Variants in ADRA1A observed in about 807,000 individuals in gnomAD.
ADRA1A encodes adrenoceptor alpha 1A, also known as alpha-1A adrenergic receptor.
A neutral mutation model predicts 29.6 loss-of-function variants in ADRA1A; 31 were observed. The observed-to-expected ratio is 1.05, with a 90% CI of 0.79 to 1.41. The LOEUF is 1.41. Among genes scored for constraint, ADRA1A ranks in the 40% most tolerant of loss-of-function variants. ADRA1A has a pLI of 0.00. For synonymous variants in ADRA1A, 311 were observed against 254.3 expected (o/e 1.22, Z -2.12); for missense variants, 619 against 601.1 (o/e 1.03, Z -0.31).
In ADRA1A at chr8:26,770,320, A is replaced by C; in HGVS notation, c.1230T>G (p.Ile410Met). Residue 410 changes from isoleucine (I) to methionine (M), a missense_variant, in exon 3 of 3, where the codon ATT becomes ATG. By Grantham distance (10) the Ile-to-Met change is conservative (BLOSUM62 1). Transcript: ENST00000380573. ...FSSMPRGSAR[I>M]TVSKDQSSCT... ...AGGAGGATTGGTCTTTGGACACTGTAATCCTGGCAGATCCACGGGGCATGG... is the reference window on the plus strand; with the variant it reads ...AGGAGGATTGGTCTTTGGACACTGTCATCCTGGCAGATCCACGGGGCATGG... 6.2e-7 allele frequency: 1 copy of C among 1,614,192 alleles called. No individual in the cohort carries two copies. The highest frequency in any genetic ancestry group is 8.5e-7 in the Non-Finnish European group (1 of 1,180,034).
Position 26,828,909 on chromosome 8 carries a change from C to G in ADRA1A, c.883+35178G>C, listed in dbSNP as rs144841807. ...AACCCTGCCTTTCCCAAATACCTGCCCTGTGAGCCAAATCGCTTAATCTTA... is the reference window on the plus strand; with the variant it reads ...AACCCTGCCTTTCCCAAATACCTGCGCTGTGAGCCAAATCGCTTAATCTTA... On this transcript the variant is annotated intron_variant, in intron 2 of 2. Coordinates refer to ENST00000380573, the MANE Select transcript of ADRA1A (RefSeq NM_000680.4). 3.4e-3 allele frequency among the ~76,000 whole-genome samples: 516 copies of G among 152,110 alleles called. 2 individuals are homozygous for G. The highest frequency in any genetic ancestry group is 0.012 in the African/African-American group (478 of 41,474).
downstream of ADRA1A, among the ~76,000 whole-genome samples, chr8:26,752,720 A>G (rs1171654238): frequency 6.6e-6 from 1 of 152,162 alleles, no homozygotes; most frequent in African/African-American, 2.4e-5. Flanking sequence ...GAAAATAATG[A>G]TCCCTCTTCA....
intron 2 of ADRA1A, 102 bp downstream of exon 2, chr8:26,863,984 TG>T (rs1813665989): frequency 8.0e-7 from 1 of 1,248,854 alleles, no homozygotes; most frequent in Admixed American, 2.6e-5. Flanking sequence ...CTGTTTGAAA[TG>T]CTAATCCTTC....
At chr8:26,820,407 A>G (rs894268633) in intron 2 of ADRA1A, among the ~76,000 whole-genome samples, 59 of 152,306 alleles carry the variant, frequency 3.9e-4, no homozygotes, top group African/African-American at 1.4e-3. Flanking sequence ...GACCACAATT[A>G]TTGTCAATTA....
Position 26,769,266 on chromosome 8 carries a change from C to G in ADRA1A, c.*883G>C. On this transcript the variant is annotated 3_prime_UTR_variant, in exon 3 of 3. Transcript: ENST00000380573. ...TGGCTGTGCAGTAAGTGAACAGCCT[C>G]TATCTTTGCAAGAAATTAACAGCCA... 1 of 985,404 alleles carries G rather than the reference C, an allele frequency of 1.0e-6. No individual in the cohort carries two copies. The highest frequency in any genetic ancestry group is 1.2e-6 in the Non-Finnish European group (1 of 829,922). The allele number at this position is 985,404 out of a possible 1,614,324, so 61.0% of individuals were successfully genotyped here. A position where few individuals can be genotyped will look rare whatever the true frequency, so the allele number is the denominator to read the frequency against.
chr8:26,754,110 A>G (rs183365116), downstream of ADRA1A, among the ~76,000 whole-genome samples: 1,281 of 152,348 alleles, frequency 8.4e-3, 5 homozygotes, highest in Non-Finnish European at 0.014. Context: ...ATGGACCTGT[A>G]AAAATGGCGT....
rs1375347046 is a variant in ADRA1A, at chr8:26,865,647, C to G, written c.-678G>C. On this transcript the variant is annotated 5_prime_UTR_variant, in exon 2 of 3. Transcript: ENST00000380573. The surrounding 1 kb of genome is among the most constrained non-coding windows in gnomAD (Gnocchi z 7.6). ...AGGAGGCTGCGGGGCATCGTTTGAC[C>G]GCGTCCACCTGAAAGAGCGCAAAGA... The G allele has an allele frequency of 1.6e-5, 16 of 985,880 alleles. No individual in the cohort carries two copies. Among genetic ancestry groups the G allele is most frequent in the African/African-American group, 1.7e-5 (1 of 57,218 alleles). 61.1% of individuals were successfully genotyped at this position (985,880 alleles called of 1,614,324 possible).
chr8:26,827,484 A>G (rs1458040022), intron 2 of ADRA1A, among the ~76,000 whole-genome samples: 1 of 152,256 alleles, frequency 6.6e-6, no homozygotes, highest in Non-Finnish European at 1.5e-5. Context: ...AGATGCCAGG[A>G]AGTCCAAGAT....
Position 26,848,417 on chromosome 8 carries a change from C to T in ADRA1A, c.883+15670G>A, listed in dbSNP as rs1008011617. Reference sequence around the variant, plus strand: ...GAACCCTCATAATGAGATTCATGCCCTTATACAAAGAGGAAGGTACCAGAG... The same window carrying T: ...GAACCCTCATAATGAGATTCATGCCTTTATACAAAGAGGAAGGTACCAGAG... On this transcript the variant is annotated intron_variant, in intron 2 of 2. Coordinates refer to ENST00000380573, the MANE Select transcript of ADRA1A (RefSeq NM_000680.4). The surrounding 1 kb of genome is among the most constrained non-coding windows in gnomAD (Gnocchi z 4.3). Among the ~76,000 whole-genome samples, 1 of 152,160 alleles carries T rather than the reference C, an allele frequency of 6.6e-6. No individual in the cohort carries two copies. The highest frequency in any genetic ancestry group is 1.5e-5 in the Non-Finnish European group (1 of 68,046).
chr8:26,782,908 G>C lies in ADRA1A; in HGVS notation c.884-12242C>G, dbSNP rs184447502. On this transcript the variant is annotated intron_variant, in intron 2 of 2. Coordinates refer to ENST00000380573, the MANE Select transcript of ADRA1A (RefSeq NM_000680.4). The stretch of plus-strand genomic sequence containing the variant: ...GCCTTCCTCTCACTTGTCCAAGCCA[G>C]AAACCCACTGTCATCCTCAACCGTC... Among the ~76,000 whole-genome samples, 3 of 152,094 alleles carry C rather than the reference G, an allele frequency of 2.0e-5. No homozygotes were observed. In the East Asian group the frequency reaches 5.8e-4, roughly 29 times the overall value.
chr8:26,858,948 T>C (rs1813241424), intron 2 of ADRA1A: 6 of 895,292 alleles, frequency 6.7e-6, no homozygotes, highest in Non-Finnish European at 8.6e-6. Context: ...AACCCAGCCT[T>C]AGTGGAAAGA....
intron 2 of ADRA1A, among the ~76,000 whole-genome samples, chr8:26,839,332 G>A (rs1214021208): frequency 6.6e-6 from 1 of 151,956 alleles, no homozygotes; most frequent in Non-Finnish European, 1.5e-5. Flanking sequence ...CTCATTTTTT[G>A]TGTCTTTAGT....
downstream of ADRA1A, among the ~76,000 whole-genome samples, chr8:26,767,198 T>A (rs940534652): frequency 6.6e-6 from 1 of 152,220 alleles, no homozygotes; most frequent in Non-Finnish European, 1.5e-5. Flanking sequence ...ATTTTTGTGA[T>A]GTTTAGACAA....
At chr8:26,857,135 G>T (rs971069877) in intron 2 of ADRA1A, among the ~76,000 whole-genome samples, 1 of 152,130 alleles carries the variant, frequency 6.6e-6, no homozygotes, top group East Asian at 1.9e-4. Flanking sequence ...CTCTTCAAAG[G>T]CCTCACAGTT....
intron 2 of ADRA1A, among the ~76,000 whole-genome samples, chr8:26,843,384 C>T (rs1811970241): frequency 6.6e-6 from 1 of 152,178 alleles, no homozygotes; most frequent in Non-Finnish European, 1.5e-5. Context: ...CTGCTCATCC[C>T]TCTATTTCTC....
chr8:26,768,075 A>G (rs189249816), downstream of ADRA1A, among the ~76,000 whole-genome samples: 45 of 152,254 alleles, frequency 3.0e-4, 1 homozygote, highest in Non-Finnish European at 3.1e-4. Flanking sequence ...GTAAGAAGAC[A>G]CTCTTCAGAA....
Position 26,805,102 on chromosome 8 carries a change from G to T in ADRA1A, c.884-34436C>A, listed in dbSNP as rs1043405392. On this transcript the variant is annotated intron_variant, in intron 2 of 2. Transcript: ENST00000380573. The surrounding 1 kb of genome is among the most constrained non-coding windows in gnomAD (Gnocchi z 4.8). ...CTGAATTTTGTTTCTAATGCTGTTG[G>T]TTGTTTGCATGCTAATTCTAGACTA... Among the ~76,000 whole-genome samples the T allele has an allele frequency of 6.6e-6, 1 of 152,180 alleles. No homozygotes were observed. Among genetic ancestry groups the T allele is most frequent in the Non-Finnish European group, 1.5e-5 (1 of 68,028 alleles).
In ADRA1A at chr8:26,821,386, GGAGCAAGACA is replaced by G. The variant is rs1360005577; in HGVS notation, c.883+42691_883+42700del. ...CAGGAAATATCACATGGTGAGAGTG[GGAGCAAGACA>G]GAGCAAGGGAGTGGGGAGGCCTCAG... On this transcript the variant is annotated intron_variant, in intron 2 of 2. Transcript: ENST00000380573. This position sits in a 1 kb window ranked among gnomAD's most constrained non-coding sequence, Gnocchi z 5.6. Among the ~76,000 whole-genome samples, 1 of 152,086 alleles carries G rather than the reference GGAGCAAGACA, an allele frequency of 6.6e-6. No homozygotes were observed. The highest frequency in any genetic ancestry group is 1.5e-5 in the Non-Finnish European group (1 of 68,014).
At chr8:26,784,387 G>C (rs1359014048) in intron 2 of ADRA1A, among the ~76,000 whole-genome samples, 1 of 152,170 alleles carries the variant, frequency 6.6e-6, no homozygotes, top group Non-Finnish European at 1.5e-5. Flanking sequence ...GAACATATCA[G>C]ATCACCACCA....
Sources: gnomAD v4.1 joint callset for allele counts (sites outside exome capture counted in the v4.1 genomes callset) on GRCh38, gnomAD v4.1.1 for gene constraint, Gnocchi (gnomAD v3.1) non-coding constraint, MANE v1.5 for transcripts, NCBI Gene and HGNC (gene_info 2026-07-23, HGNC 2026-07-21) for gene names.